Variants in ZAN observed in about 807,000 individuals in gnomAD.
The protein encoded by ZAN is zonadhesin (gene/pseudogene).
A neutral mutation model predicts 286.2 loss-of-function variants in ZAN; 260 were observed. The ratio of observed to expected loss-of-function variants is 0.91; its 90% confidence interval spans 0.82 to 1.01. The LOEUF (loss-of-function observed/expected upper bound fraction) is 1.01. Among genes scored for constraint, ZAN ranks in the 50% least tolerant of loss-of-function variants. The pLI is 0.00. For synonymous variants in ZAN, 1,368 were observed against 1,417.5 expected (o/e 0.97, Z 0.79); for missense variants, 3,410 against 3,639.2 (o/e 0.94, Z 1.62).
In ZAN at chr7:100,786,028, C is replaced by G; in HGVS notation, c.6866C>G (p.Thr2289Arg). 1 of 1,613,890 alleles carries G rather than the reference C, an allele frequency of 6.2e-7. No homozygotes were observed. The highest frequency in any genetic ancestry group is 8.5e-7 in the Non-Finnish European group (1 of 1,179,888). The change falls in exon 37 of 48, where the codon ACG (threonine) becomes AGG (arginine). Residue 2289 changes from threonine to arginine, a missense_variant. Physicochemically the swap from Thr to Arg is moderately conservative, Grantham distance 71. Transcript: ENST00000613979. ...LGKSWVSSGCTEKCVCTGGAI... is the reference protein window; with the variant it reads ...LGKSWVSSGCREKCVCTGGAI... ...AAGAGCTGGGTCTCCAGCGGTTGCA[C>G]GGAGAAGTGTGTCTGCACGGGAGGA...
rs201569129 is a variant in ZAN at position 100,784,829 on chromosome 7, A to T, written c.6829A>T (p.Ile2277Phe). 2.0e-5 allele frequency: 32 copies of T among 1,592,840 alleles called. No homozygotes were observed. The highest frequency in any genetic ancestry group is 2.7e-5 in the Non-Finnish European group (32 of 1,166,996). ...CGCKDAHGGS[I>F]PLGKSWVSSG... ...CTGCAAGGATGCCCATGGTGGCTCC[A>T]TCCCTGTGAGTGGGCATGGGAAATG... Residue 2277 changes from isoleucine to phenylalanine, a missense_variant, in exon 36 of 48, where the codon ATC becomes TTC. Around this residue, in one of 7 missense-constraint regions of ZAN, gnomAD observed 1,289 missense variants for 1,314.3 expected, o/e 0.98. Coordinates refer to ENST00000613979, the MANE Select transcript of ZAN (RefSeq NM_003386.3).
At position 100,752,038 on chromosome 7, in the gene ZAN, G is replaced by GA. The variant is rs747251612; in HGVS notation, c.1938dup (p.Pro647ThrfsTer20). 34 of 1,612,790 alleles carry GA rather than the reference G, an allele frequency of 2.1e-5. No homozygotes were observed. In the East Asian group the frequency reaches 7.6e-4, roughly 36 times the overall value. On this transcript the variant is annotated frameshift_variant, in exon 14 of 48. Coordinates refer to ENST00000613979, the MANE Select transcript of ZAN (RefSeq NM_003386.3). LOFTEE classifies it high-confidence loss of function. ...CTCAGAAAAACCCACCATTCCCTCA[G>GA]AAAAACCCACCATTTCCACAGAAAA... is the stretch of plus-strand genomic sequence containing the variant.
chr7:100,775,514 AT>A lies in ZAN; in HGVS notation c.5967del (p.His1989GlnfsTer21). The A allele has an allele frequency of 6.2e-7, 1 of 1,614,014 alleles. No homozygotes were observed. Among genetic ancestry groups the A allele is most frequent in the Non-Finnish European group, 8.5e-7 (1 of 1,179,898 alleles). ...EEGGTEAFRL[H>X]EVYIDIYDAQ... is the part of the protein sequence containing the mutation. The stretch of plus-strand genomic sequence containing the variant: ...GGTGGAACTGAGGCTTTCCGCCTTC[AT>A]GAGGTCTACATTGACATCTACGATG... On this transcript the variant is annotated frameshift_variant, in exon 32 of 48. Transcript: ENST00000613979. LOFTEE classifies it high-confidence loss of function.
intron 38 of ZAN, 30 bp downstream of exon 38, chr7:100,788,166 T>C: frequency 6.9e-7 from 1 of 1,447,178 alleles, no homozygotes; most frequent in Non-Finnish European, 9.2e-7. Flanking sequence ...CTGGTGGGTG[T>C]GGGGAGGCAG....
chr7:100,741,096 G>A (rs1160482030), intron 7 of ZAN, among the ~76,000 whole-genome samples: 1 of 64,618 alleles, frequency 1.5e-5, no homozygotes. Context: ...GCGGCTGGCC[G>A]GGCAGGGGGG....
rs776157900 is a variant in ZAN at position 100,738,617 on chromosome 7, A to G, written c.766+4A>G. On this transcript the variant is annotated splice_donor_region_variant and intron_variant, in intron 7 of 47. Transcript: ENST00000613979. ...GGCGACTTCTCTAGCCCTGGTAGTGAGTAGCGGCCATGCTTCTGTCCCTTG... is the reference window on the plus strand; with the variant it reads ...GGCGACTTCTCTAGCCCTGGTAGTGGGTAGCGGCCATGCTTCTGTCCCTTG... 7.9e-6 allele frequency: 12 copies of G among 1,515,488 alleles called. 2 individuals are homozygous for G. Among genetic ancestry groups the G allele is most frequent in the Admixed American group, 5.3e-5 (3 of 56,720 alleles). 93.9% of individuals were successfully genotyped at this position (1,515,488 alleles called of 1,614,324 possible).
At chr7:100,768,827 T>C (rs1007490112) in intron 27 of ZAN, 106 bp downstream of exon 27, 3 of 883,836 alleles carry the variant, frequency 3.4e-6, no homozygotes, top group Non-Finnish European at 5.0e-6. Flanking sequence ...CTCTGTGCTG[T>C]ACCTCCCAAC....
At chr7:100,736,734 C>T (rs1807320713) in intron 4 of ZAN, 75 bp from the exon 5 acceptor site, 1 of 1,462,260 alleles carries the variant, frequency 6.8e-7, no homozygotes, top group South Asian at 1.2e-5. Context: ...GATGCCTGGG[C>T]TCTGAGAAGG....
rs1808482406 is a variant in ZAN at position 100,749,600 on chromosome 7, A to G, written c.1250-1025A>G. Among the ~76,000 whole-genome samples the G allele has an allele frequency of 2.7e-5, 4 of 147,602 alleles. No individual in the cohort carries two copies. The Admixed American group carries it at 2.7e-4, about 10-fold the overall frequency. ...GCTTGCAGTGAGCCGAGATCACGCCATTGTACTCCAGCCTGGGTGACAGAG... is the reference window on the plus strand; with the variant it reads ...GCTTGCAGTGAGCCGAGATCACGCCGTTGTACTCCAGCCTGGGTGACAGAG... On this transcript the variant is annotated intron_variant, in intron 11 of 47. Coordinates refer to ENST00000613979, the MANE Select transcript of ZAN (RefSeq NM_003386.3).
intron 23 of ZAN, among the ~76,000 whole-genome samples, chr7:100,766,094 C>G (rs775909605): frequency 8.9e-4 from 135 of 152,000 alleles, no homozygotes; most frequent in Admixed American, 5.2e-3. Flanking sequence ...TCAAGCGATT[C>G]TCCCGCCTAA....
intron 36 of ZAN, among the ~76,000 whole-genome samples, chr7:100,785,612 A>C (rs1419416703): frequency 6.6e-6 from 1 of 151,778 alleles, no homozygotes; most frequent in Non-Finnish European, 1.5e-5. Context: ...ATGGTGGGCC[A>C]GGCTGCTGGG....
chr7:100,791,217 A>C, intron 40 of ZAN, 104 bp downstream of exon 40: 1 of 1,430,412 alleles, frequency 7.0e-7, no homozygotes, highest in Non-Finnish European at 9.4e-7. Flanking sequence ...CTCCAGGGAG[A>C]GGGTGCAGAT....
intron 7 of ZAN, among the ~76,000 whole-genome samples, chr7:100,746,221 G>C (rs1213067452): frequency 1.3e-5 from 2 of 152,090 alleles, no homozygotes; most frequent in African/African-American, 2.4e-5. Flanking sequence ...CTGGGCGACA[G>C]AGTGAGACTG....
chr7:100,773,762 CT>C lies in ZAN; in HGVS notation c.5677del (p.Cys1893AlafsTer48). On this transcript the variant is annotated frameshift_variant, in exon 31 of 48. Coordinates refer to ENST00000613979, the MANE Select transcript of ZAN (RefSeq NM_003386.3). LOFTEE classifies it high-confidence loss of function. ...ACACAGAGAACACCTGCACCAGGCTCTGCACCTGCTCCGTCCACAACAACAT... is the reference window on the plus strand; with the variant it reads ...ACACAGAGAACACCTGCACCAGGCTCGCACCTGCTCCGTCCACAACAACAT... ...WYTENTCTRLCTCSVHNNITC... is the reference protein window; with the variant it reads ...WYTENTCTRLXTCSVHNNITC... 6.2e-7 allele frequency: 1 copy of C among 1,611,860 alleles called. No homozygotes were observed. Among genetic ancestry groups the C allele is most frequent in the South Asian group, 1.1e-5 (1 of 90,580 alleles).
chr7:100,775,268 C>T (rs1810670658), intron 31 of ZAN, 60 bp from the exon 32 acceptor site: 5 of 1,569,980 alleles, frequency 3.2e-6, no homozygotes, highest in Admixed American at 3.7e-5. Context: ...GACTAGTTTC[C>T]CAGGGACCCT....
At chr7:100,762,417 C>CTA in intron 20 of ZAN, 59 bp downstream of exon 20, 149 of 1,062,726 alleles carry the variant, frequency 1.4e-4, no homozygotes, top group Non-Finnish European at 1.6e-4. Context: ...TCCTGGAACT[C>CTA]TCTTTTTTTT....
Position 100,750,912 on chromosome 7 carries a change from G to A in ZAN, c.1521+16G>A, listed in dbSNP as rs761481798. On this transcript the variant is annotated intron_variant, in intron 12 of 47. Transcript: ENST00000613979. ...GCCCATGCAGGTGAGAGACGGAGGC[G>A]GGGGTCCTGTCTGTGTGAGGTGAGA... is the stretch of plus-strand genomic sequence containing the variant. 1.0e-5 allele frequency: 16 copies of A among 1,530,338 alleles called. No individual in the cohort carries two copies. Among genetic ancestry groups the A allele is most frequent in the South Asian group, 6.5e-5 (5 of 77,498 alleles). The allele number at this position is 1,530,338 out of a possible 1,614,324, so 94.8% of individuals were successfully genotyped here. A position where few individuals can be genotyped will look rare whatever the true frequency, so the allele number is the denominator to read the frequency against.
intron 7 of ZAN, 75 bp downstream of exon 7, chr7:100,738,688 C>G (rs889895942): frequency 7.3e-7 from 1 of 1,366,228 alleles, no homozygotes; most frequent in Admixed American, 2.1e-5. Flanking sequence ...CTGGGACGGT[C>G]TGTCATGAAC....
chr7:100,764,005 C>T, intron 21 of ZAN, 22 bp from the exon 22 acceptor site: 5 of 1,613,856 alleles, frequency 3.1e-6, no homozygotes, highest in Non-Finnish European at 4.2e-6. Flanking sequence ...TGCATTCCCC[C>T]TGACTTGGTC....
Sources: allele counts gnomAD v4.1 joint callset (sites outside exome capture counted in the v4.1 genomes callset), GRCh38; gene constraint gnomAD v4.1.1; regional missense constraint gnomAD v4.1.1; transcripts MANE v1.5; gene names NCBI Gene and HGNC (gene_info 2026-07-23, HGNC 2026-07-21).